The following TEAD4 variants were observed in gnomAD, a reference collection of about 807,000 sequenced individuals.
TEAD4 encodes TEA domain transcription factor 4.
Under a neutral mutation model 52.4 loss-of-function variants are expected in TEAD4, and 36 were observed. That is an observed-to-expected ratio of 0.69 (90% CI 0.53 to 0.91). The LOEUF is 0.91. Among genes scored for constraint, TEAD4 ranks in the 40% least tolerant of loss-of-function variants. The pLI is 0.00. For missense variants in TEAD4, 508 were observed against 583.9 expected (o/e 0.87, Z 1.34); for synonymous variants, 220 against 231.0 (o/e 0.95, Z 0.43).
chr12:2,991,134 T>G lies in TEAD4; in HGVS notation c.-29-3604T>G, dbSNP rs537150753. ...GGATCTCTTGAACCCATGAGTTCAG[T>G]GCTGTACTAAGCTATGATCTTGCCA... On this transcript the variant is annotated intron_variant, in intron 2 of 12. Coordinates refer to ENST00000359864, the MANE Select transcript of TEAD4 (RefSeq NM_003213.4). Among the ~76,000 whole-genome samples the G allele has an allele frequency of 6.6e-5, 10 of 152,200 alleles. 1 individual carries two copies. The highest frequency in any genetic ancestry group is 2.4e-4 in the African/African-American group (10 of 41,528).
intron 3 of TEAD4, among the ~76,000 whole-genome samples, chr12:3,007,431 G>A (rs1007484991): frequency 6.6e-5 from 10 of 152,234 alleles, no homozygotes; most frequent in African/African-American, 2.4e-4. Context: ...TAGGTCTGCT[G>A]TGGGTGATCT....
chr12:3,001,845 C>A (rs771298037), intron 3 of TEAD4, among the ~76,000 whole-genome samples: 7 of 151,778 alleles, frequency 4.6e-5, no homozygotes, highest in Non-Finnish European at 1.0e-4. Flanking sequence ...AATCCTAGCA[C>A]TTTGGGAGGC....
chr12:3,007,661 C>T (rs1399715684), intron 3 of TEAD4, among the ~76,000 whole-genome samples: 1 of 152,168 alleles, frequency 6.6e-6, no homozygotes, highest in Non-Finnish European at 1.5e-5. Flanking sequence ...CAGATGTATG[C>T]ACCTGTGAAG....
chr12:3,018,626 C>A, intron 7 of TEAD4, 38 bp downstream of exon 7: 1 of 1,613,700 alleles, frequency 6.2e-7, no homozygotes, highest in Middle Eastern at 1.7e-4. Context: ...CAGTTGCTCC[C>A]TGAACTGAAC....
At chr12:3,032,810 C>T (rs1033313683) in intron 10 of TEAD4, among the ~76,000 whole-genome samples, 6 of 152,164 alleles carry the variant, frequency 3.9e-5, no homozygotes, top group Admixed American at 2.6e-4. Context: ...ATGTGTGGGG[C>T]GGGCAGAGGC....
At chr12:3,009,773 C>G (rs1048226714) in intron 3 of TEAD4, among the ~76,000 whole-genome samples, 1 of 152,242 alleles carries the variant, frequency 6.6e-6, no homozygotes, top group African/African-American at 2.4e-5. Flanking sequence ...GATTCTCCCC[C>G]CACTCCTTCC....
chr12:3,012,897 A>G (rs1171484231), intron 5 of TEAD4, among the ~76,000 whole-genome samples: 3 of 152,190 alleles, frequency 2.0e-5, no homozygotes, highest in African/African-American at 7.2e-5. Flanking sequence ...CTACACAGCA[A>G]GTTGGTGGGA....
At chr12:2,973,486 A>C (rs2098226931) in intron 2 of TEAD4, among the ~76,000 whole-genome samples, 1 of 152,236 alleles carries the variant, frequency 6.6e-6, no homozygotes, top group Non-Finnish European at 1.5e-5. Flanking sequence ...GATGGGAGTG[A>C]GGAACTCTGA....
At chr12:2,996,779 A>G (rs901650564) in intron 3 of TEAD4, among the ~76,000 whole-genome samples, 1 of 152,070 alleles carries the variant, frequency 6.6e-6, no homozygotes, top group Non-Finnish European at 1.5e-5. Flanking sequence ...GCAGTGGAGC[A>G]ATCTCGGCTC....
intron 2 of TEAD4, among the ~76,000 whole-genome samples, chr12:2,972,852 T>C (rs1302544354): frequency 6.6e-6 from 1 of 152,200 alleles, no homozygotes; most frequent in Non-Finnish European, 1.5e-5. Context: ...AATTTATTTT[T>C]AACATACATA....
At chr12:2,962,960 G>A (rs771339761) in intron 2 of TEAD4, among the ~76,000 whole-genome samples, 12 of 152,178 alleles carry the variant, frequency 7.9e-5, no homozygotes, top group African/African-American at 2.9e-4. Context: ...CAACAGGCGC[G>A]GAAGCTGGAG....
intron 2 of TEAD4, among the ~76,000 whole-genome samples, chr12:2,962,981 T>C (rs2098217083): frequency 6.6e-6 from 1 of 152,188 alleles, no homozygotes; most frequent in Admixed American, 6.5e-5. Flanking sequence ...CAGACTGACT[T>C]GGGCCATGCC....
rs115758874 is a variant in TEAD4 at position 3,005,114 on chromosome 12, C to T, written c.227-5890C>T. ...AGTATGCCAAGTGAAATATACCAGA[C>T]GCAGAAGGACAAATGCCGAGAGGGC... On this transcript the variant is annotated intron_variant, in intron 3 of 12. Coordinates refer to ENST00000359864, the MANE Select transcript of TEAD4 (RefSeq NM_003213.4). Among the ~76,000 whole-genome samples, 884 of 152,278 alleles carry T rather than the reference C, an allele frequency of 5.8e-3. 6 individuals are homozygous for T. The highest frequency in any genetic ancestry group is 0.019 in the African/African-American group (790 of 41,544).
chr12:3,015,171 G>A (rs769750591), intron 5 of TEAD4, among the ~76,000 whole-genome samples: 6 of 152,248 alleles, frequency 3.9e-5, no homozygotes, highest in South Asian at 4.2e-4. Context: ...TGTCCACATC[G>A]ACAATGACCC....
At chr12:2,998,068 T>C (rs2098248646) in intron 3 of TEAD4, among the ~76,000 whole-genome samples, 1 of 152,170 alleles carries the variant, frequency 6.6e-6, no homozygotes, top group Non-Finnish European at 1.5e-5. Flanking sequence ...ACTCCTTTAG[T>C]TACCTCATGT....
In TEAD4 at chr12:2,983,994, G is replaced by A. The variant is rs141594078; in HGVS notation, c.-29-10744G>A. On this transcript the variant is annotated intron_variant, in intron 2 of 12. Coordinates refer to ENST00000359864, the MANE Select transcript of TEAD4 (RefSeq NM_003213.4). ...ATCTTCCCAGAGGGAGTGACATATG[G>A]CTGGACCTTAAGGCTGAGCAAGAGT... Among the ~76,000 whole-genome samples the A allele has an allele frequency of 2.0e-3, 310 of 152,342 alleles. 1 individual carries two copies. The highest frequency in any genetic ancestry group is 7.2e-3 in the African/African-American group (298 of 41,582).
intron 2 of TEAD4, among the ~76,000 whole-genome samples, chr12:2,991,790 C>T (rs1408500584): frequency 6.6e-6 from 1 of 152,152 alleles, no homozygotes; most frequent in Non-Finnish European, 1.5e-5. Flanking sequence ...TGCCCCCAAA[C>T]TCTCATGAAA....
In TEAD4 at chr12:2,959,640, C is replaced by G. The variant is rs1489231176; in HGVS notation, c.-123+159C>G. Reference sequence around the variant, plus strand: ...CTCTGCGCTCCGACGCGCTCCGTCCCGACCTCTGGCTTCCCTCCGCGCTCC... The same window carrying G: ...CTCTGCGCTCCGACGCGCTCCGTCCGGACCTCTGGCTTCCCTCCGCGCTCC... On this transcript the variant is annotated intron_variant, in intron 1 of 12. Coordinates refer to ENST00000359864, the MANE Select transcript of TEAD4 (RefSeq NM_003213.4). This position sits in a 1 kb window ranked among gnomAD's most constrained non-coding sequence, Gnocchi z 5.1. 6.6e-6 allele frequency among the ~76,000 whole-genome samples: 1 copy of G among 150,958 alleles called. No homozygotes were observed.
At chr12:2,986,109 A>T (rs917762653) in intron 2 of TEAD4, among the ~76,000 whole-genome samples, 1 of 152,058 alleles carries the variant, frequency 6.6e-6, no homozygotes, top group African/African-American at 2.4e-5. Context: ...ACTAAAAAAA[A>T]ATAATAAAAA....
Sources: gnomAD v4.1 joint callset for allele counts (sites outside exome capture counted in the v4.1 genomes callset) on GRCh38, gnomAD v4.1.1 for gene constraint, Gnocchi (gnomAD v3.1) non-coding constraint, MANE v1.5 for transcripts, NCBI Gene and HGNC (gene_info 2026-07-23, HGNC 2026-07-21) for gene names.